Variants in SLC12A5 observed in about 807,000 individuals in gnomAD.
SLC12A5 encodes the protein solute carrier family 12 member 5.
A neutral mutation model predicts 124.0 loss-of-function variants in SLC12A5; 18 were observed. The ratio of observed to expected loss-of-function variants is 0.15; its 90% CI spans 0.10 to 0.22. The LOEUF is 0.22. Ranked by LOEUF, SLC12A5 falls within the 10% of genes least tolerant of loss-of-function variation. SLC12A5 has a pLI of 1.00. For synonymous variants in SLC12A5, 589 were observed against 568.0 expected (o/e 1.04, Z -0.53); for missense variants, 867 against 1,478.7 (o/e 0.59, Z 6.78).
At chr20:46,035,578 TGGGGGGTGGG>T in intron 3 of SLC12A5, 43 bp downstream of exon 3, 1 of 341,464 alleles carries the variant, frequency 2.9e-6, no homozygotes, top group Non-Finnish European at 4.9e-6. Context: ...AAGGGACGGA[TGGGGGGTGGG>T]GGAGGATGGG....
At position 46,045,458 on chromosome 20, in the gene SLC12A5, G is replaced by A. The variant is rs537247075; in HGVS notation, c.1569+318G>A. On this transcript the variant is annotated intron_variant, in intron 12 of 25. Transcript: ENST00000243964. This position sits in a 1 kb window ranked among gnomAD's most constrained non-coding sequence, Gnocchi z 4.9. ...CCTTGGAGCACTGTCTGCTCTTGGG[G>A]AAAAAATAAATGGCCCTGTTTTGGC... Among the ~76,000 whole-genome samples the A allele has an allele frequency of 1.3e-3, 197 of 152,234 alleles. No homozygotes were observed. The highest frequency in any genetic ancestry group is 4.4e-3 in the African/African-American group (183 of 41,548).
intron 1 of SLC12A5, among the ~76,000 whole-genome samples, chr20:46,031,875 T>G (rs1204988749): frequency 6.6e-6 from 1 of 152,198 alleles, no homozygotes; most frequent in Non-Finnish European, 1.5e-5. Flanking sequence ...ACTCCTTGGC[T>G]CCGGGGAATC....
chr20:46,029,020 A>G, upstream of SLC12A5: 1 of 726,070 alleles, frequency 1.4e-6, no homozygotes, highest in Non-Finnish European at 1.8e-6. Flanking sequence ...GTTTTTGTGC[A>G]AGGGGGCCAC....
At chr20:46,049,548 C>A in intron 16 of SLC12A5, 74 bp from the exon 17 acceptor site, 1 of 1,526,478 alleles carries the variant, frequency 6.6e-7, no homozygotes, top group South Asian at 1.2e-5. Context: ...GCTAGATGAC[C>A]TGGTGGTGGG....
intron 17 of SLC12A5, 81 bp downstream of exon 17, chr20:46,049,871 C>G (rs73112831): frequency 4.2e-6 from 6 of 1,422,884 alleles, no homozygotes; most frequent in Non-Finnish European, 5.6e-6. Context: ...ACTTTCCTTC[C>G]TCATCACCTT....
Position 46,056,296 on chromosome 20 carries a change from C to T in SLC12A5, c.2910+24C>T, listed in dbSNP as rs751961929. The T allele has an allele frequency of 9.9e-6, 16 of 1,613,626 alleles. No individual in the cohort carries two copies. The South Asian group carries it at 1.6e-4, about 17-fold the overall frequency. The stretch of plus-strand genomic sequence containing the variant: ...AGGTGTGCAGCTTGGGTGGTTTGGC[C>T]CCAACCAGTGGGAGCAGAGCCCTTG... On this transcript the variant is annotated intron_variant, in intron 22 of 25. Coordinates refer to ENST00000243964, the MANE Select transcript of SLC12A5 (RefSeq NM_020708.5). This position sits in a 1 kb window ranked among gnomAD's most constrained non-coding sequence, Gnocchi z 4.3.
chr20:46,059,748 T>C lies in SLC12A5; in HGVS notation c.*2143T>C, dbSNP rs1461397909. ...TATCTTTATAATCACTGTAGTTAGA[T>C]GTTTCATGTCCATTCAAGTGACTTT... On this transcript the variant is annotated 3_prime_UTR_variant, in exon 26 of 26. Coordinates refer to ENST00000243964, the MANE Select transcript of SLC12A5 (RefSeq NM_020708.5). The C allele has an allele frequency of 2.5e-6, 1 of 398,496 alleles. No individual in the cohort carries two copies. Among genetic ancestry groups the C allele is most frequent in the East Asian group, 3.6e-5 (1 of 28,080 alleles). The allele number at this position is 398,496 out of a possible 1,614,324, so 24.7% of individuals were successfully genotyped here. A position where few individuals can be genotyped will look rare whatever the true frequency, so the allele number is the denominator to read the frequency against.
At chr20:46,032,853 C>A (rs1382041770) in intron 1 of SLC12A5, among the ~76,000 whole-genome samples, 3 of 152,164 alleles carry the variant, frequency 2.0e-5, no homozygotes, top group Non-Finnish European at 4.4e-5. Context: ...TGTTCTCTGG[C>A]CCCAGAGAGC....
At chr20:46,030,403 G>A (rs942191035) in intron 1 of SLC12A5, among the ~76,000 whole-genome samples, 1 of 151,996 alleles carries the variant, frequency 6.6e-6, no homozygotes, top group Non-Finnish European at 1.5e-5. Context: ...GCTCTCCCCC[G>A]CCCTCCTCCG....
At chr20:46,050,374 C>T (rs1220267476) in intron 17 of SLC12A5, among the ~76,000 whole-genome samples, 1 of 152,250 alleles carries the variant, frequency 6.6e-6, no homozygotes, top group African/African-American at 2.4e-5. Flanking sequence ...TACAGGGCAG[C>T]CTACAGAACC....
intron 1 of SLC12A5, among the ~76,000 whole-genome samples, chr20:46,034,472 C>T (rs11696784): frequency 0.025 from 3,736 of 152,282 alleles, 156 homozygotes; most frequent in Admixed American, 0.11. Context: ...TATTGGCACA[C>T]GGTAGACACT....
upstream of SLC12A5, among the ~76,000 whole-genome samples, chr20:46,024,221 G>A (rs2084378586): frequency 6.6e-6 from 1 of 151,978 alleles, no homozygotes. Context: ...GGGGTGGTCA[G>A]TGACTCACTC....
Position 46,057,641 on chromosome 20 carries a change from G to A in SLC12A5, c.*36G>A. ...CTGCCACCCGGGCCCGAGCGCGCCCGGCCCGCGGCTCCGGAGCCCTCGCCG... is the reference window on the plus strand; with the variant it reads ...CTGCCACCCGGGCCCGAGCGCGCCCAGCCCGCGGCTCCGGAGCCCTCGCCG... On this transcript the variant is annotated 3_prime_UTR_variant, in exon 26 of 26. Coordinates refer to ENST00000243964, the MANE Select transcript of SLC12A5 (RefSeq NM_020708.5). The surrounding 1 kb of genome is among the most constrained non-coding windows in gnomAD (Gnocchi z 7.1). The A allele has an allele frequency of 6.4e-7, 1 of 1,555,456 alleles. No individual in the cohort carries two copies. Among genetic ancestry groups the A allele is most frequent in the Non-Finnish European group, 8.8e-7 (1 of 1,137,616 alleles).
In SLC12A5 at chr20:46,039,484, A is replaced by G. The variant is rs1271355925; in HGVS notation, c.613-889A>G. ...TTTTAAAGTCAGTCCATATAAATCTATGTCATCTGGCCGGGCACAGTGGCT... is the reference window on the plus strand; with the variant it reads ...TTTTAAAGTCAGTCCATATAAATCTGTGTCATCTGGCCGGGCACAGTGGCT... On this transcript the variant is annotated intron_variant, in intron 6 of 25. Coordinates refer to ENST00000243964, the MANE Select transcript of SLC12A5 (RefSeq NM_020708.5). 2.6e-5 allele frequency among the ~76,000 whole-genome samples: 4 copies of G among 152,222 alleles called. No homozygotes were observed. The East Asian group carries it at 7.7e-4, about 29-fold the overall frequency.
At position 46,036,795 on chromosome 20, in the gene SLC12A5, G is replaced by C; in HGVS notation, c.481G>C (p.Ala161Pro). The part of the protein sequence containing the change: ...SAIATNGVVP[A>P]GGSYYMISRS... ...AATTGCAACGAATGGTGTTGTGCCT[G>C]GTAGGTGACTGGGGCTTTGTGGGGA... Residue 161 changes from alanine (A) to proline (P), a missense_variant and splice_region_variant, in exon 5 of 26, where the codon GCT becomes CCT. Transcript: ENST00000243964. The C allele has an allele frequency of 1.2e-6, 2 of 1,613,942 alleles. No individual in the cohort carries two copies. Among genetic ancestry groups the C allele is most frequent in the Non-Finnish European group, 1.7e-6 (2 of 1,179,926 alleles).
In SLC12A5 at chr20:46,041,341, G is replaced by A; in HGVS notation, c.867G>A (p.Leu289=). Residue 289 remains leucine (L), a synonymous_variant, in exon 8 of 26, where the codon CTG becomes CTA. Coordinates refer to ENST00000243964, the MANE Select transcript of SLC12A5 (RefSeq NM_020708.5). ...FDPPNFPICL[L]GNRTLSRHGF... The stretch of plus-strand genomic sequence containing the variant: ...TTTCTCTCCCTAGGATCTGCCTCCT[G>A]GGTAACCGCACGCTGTCTCGCCATG... 4 of 1,614,066 alleles carry A rather than the reference G, an allele frequency of 2.5e-6. No homozygotes were observed. Among genetic ancestry groups the A allele is most frequent in the Non-Finnish European group, 3.4e-6 (4 of 1,179,976 alleles).
At chr20:46,054,482 A>G (rs2084672752) in intron 20 of SLC12A5, among the ~76,000 whole-genome samples, 2 of 152,086 alleles carry the variant, frequency 1.3e-5, no homozygotes. Flanking sequence ...CTCTCAATTC[A>G]TGTGTCCATC....
At chr20:46,052,236 A>G (rs952820354) in intron 18 of SLC12A5, among the ~76,000 whole-genome samples, 1 of 152,248 alleles carries the variant, frequency 6.6e-6, no homozygotes, top group Admixed American at 6.5e-5. Flanking sequence ...CTCTGAGATC[A>G]GATTTCTTGG....
At position 46,059,897 on chromosome 20, in the gene SLC12A5, CCAAAT is replaced by C. The variant is rs2084738282; in HGVS notation, c.*2296_*2300del. On this transcript the variant is annotated 3_prime_UTR_variant, in exon 26 of 26. Transcript: ENST00000243964. ...CCTTGTAAATAGGAGAGGTTGCAAACCAAATCAAGAGTATTTATTACTATTACTGC... is the reference window on the plus strand; with the variant it reads ...CCTTGTAAATAGGAGAGGTTGCAAACCAAGAGTATTTATTACTATTACTGC... 2 of 361,018 alleles carry C rather than the reference CCAAAT, an allele frequency of 5.5e-6. No homozygotes were observed. Among genetic ancestry groups the C allele is most frequent in the Non-Finnish European group, 4.9e-6 (1 of 202,618 alleles). The allele number at this position is 361,018 out of a possible 1,614,324, so 22.4% of individuals were successfully genotyped here.
Sources: allele counts gnomAD v4.1 joint callset (sites outside exome capture counted in the v4.1 genomes callset), GRCh38; gene constraint gnomAD v4.1.1; non-coding constraint Gnocchi (gnomAD v3.1); transcripts MANE v1.5; gene names NCBI Gene and HGNC (gene_info 2026-07-23, HGNC 2026-07-21).